The following ITK variants were observed in gnomAD, a reference collection of about 807,000 sequenced individuals.
The protein encoded by ITK is tyrosine-protein kinase ITK/TSK.
A neutral mutation model predicts 87.6 loss-of-function variants in ITK; 45 were observed. That is an observed-to-expected ratio of 0.51 (90% CI 0.40 to 0.66). ITK has a LOEUF of 0.66. ITK is among the 30% of genes least tolerant of loss of function. ITK has a pLI of 0.00. For synonymous variants in ITK, 303 were observed against 273.6 expected (o/e 1.11, Z -1.06); for missense variants, 605 against 766.3 (o/e 0.79, Z 2.48).
Position 157,222,850 on chromosome 5 carries a change from C to T in ITK, c.496-13C>T. ...TTATGTCTTTGCTTGGTTTTGTTGTCTCTCTTCCCCAGCGACCACTTTGGG... is the reference window on the plus strand; with the variant it reads ...TTATGTCTTTGCTTGGTTTTGTTGTTTCTCTTCCCCAGCGACCACTTTGGG... On this transcript the variant is annotated splice_polypyrimidine_tract_variant and intron_variant, in intron 5 of 16. Transcript: ENST00000422843. 1 of 1,613,922 alleles carries T rather than the reference C, an allele frequency of 6.2e-7. No individual in the cohort carries two copies. The highest frequency in any genetic ancestry group is 2.2e-5 in the East Asian group (1 of 44,854).
chr5:157,201,299 A>ATTT (rs1753968026), intron 1 of ITK, among the ~76,000 whole-genome samples: 1 of 67,184 alleles, frequency 1.5e-5, no homozygotes. Flanking sequence ...ATAAATTTCC[A>ATTT]CTTTTTTTTT....
In ITK at chr5:157,210,721, A is replaced by C. The variant is rs545213391; in HGVS notation, c.244-566A>C. ...CCCCCCACCCCACCACAGTCCCCAGAGTGTGATATTCCCCTTCCTGTGTCC... is the reference window on the plus strand; with the variant it reads ...CCCCCCACCCCACCACAGTCCCCAGCGTGTGATATTCCCCTTCCTGTGTCC... On this transcript the variant is annotated intron_variant, in intron 2 of 16. Transcript: ENST00000422843. Among the ~76,000 whole-genome samples the C allele has an allele frequency of 2.2e-4, 24 of 108,128 alleles. 1 individual carries two copies. Among genetic ancestry groups the C allele is most frequent in the Non-Finnish European group, 3.9e-4 (22 of 56,966 alleles). The allele number at this position is 108,128 out of a possible 152,430, so 70.9% of individuals were successfully genotyped here. A position where few individuals can be genotyped will look rare whatever the true frequency, so the allele number is the denominator to read the frequency against.
chr5:157,196,405 T>G (rs1279138010), intron 1 of ITK, among the ~76,000 whole-genome samples: 1 of 152,184 alleles, frequency 6.6e-6, no homozygotes, highest in African/African-American at 2.4e-5. Flanking sequence ...TTTATTTGCA[T>G]TTCTGTTGTT....
At chr5:157,223,200 G>A (rs1045839588) in intron 6 of ITK, among the ~76,000 whole-genome samples, 186 bp downstream of exon 6, 2 of 152,094 alleles carry the variant, frequency 1.3e-5, no homozygotes, top group Admixed American at 6.6e-5. Context: ...TCTCAGAAGT[G>A]GCTCTGAGGC....
chr5:157,196,726 G>A (rs558290278), intron 1 of ITK, among the ~76,000 whole-genome samples: 5 of 152,060 alleles, frequency 3.3e-5, no homozygotes, highest in South Asian at 4.1e-4. Context: ...ATTGAACATC[G>A]CCTCAGTGCA....
rs78968677 is a variant in ITK, at chr5:157,214,156, G to A, written c.326-35G>A. ...TGGTAGCCCTTGATAGACTGACCTGGAAATAACTCTTCTGTTGGTGCCAAC... is the reference window on the plus strand; with the variant it reads ...TGGTAGCCCTTGATAGACTGACCTGAAAATAACTCTTCTGTTGGTGCCAAC... On this transcript the variant is annotated intron_variant, in intron 3 of 16. Transcript: ENST00000422843. 3,125 of 1,598,880 alleles carry A rather than the reference G, an allele frequency of 2.0e-3. 39 individuals are homozygous for A. The African/African-American group carries it at 0.032, about 17-fold the overall frequency.
intron 1 of ITK, among the ~76,000 whole-genome samples, chr5:157,190,953 G>A (rs778646114): frequency 7.2e-5 from 11 of 152,072 alleles, no homozygotes; most frequent in Non-Finnish European, 1.2e-4. Flanking sequence ...TGAAGCAGTG[G>A]GTGTGAGTCC....
chr5:157,241,557 G>C, intron 10 of ITK, 89 bp from the exon 11 acceptor site: 1 of 908,494 alleles, frequency 1.1e-6, no homozygotes, highest in Non-Finnish European at 1.8e-6. Flanking sequence ...TGCGTCTGAT[G>C]ATGATTATTA....
chr5:157,218,285 G>A (rs775726638), intron 5 of ITK, among the ~76,000 whole-genome samples: 5 of 151,940 alleles, frequency 3.3e-5, no homozygotes, highest in African/African-American at 7.3e-5. Flanking sequence ...TGGGAGGATC[G>A]CTTGAGCCCA....
intron 1 of ITK, among the ~76,000 whole-genome samples, chr5:157,189,321 GC>G (rs1246313565): frequency 6.6e-6 from 1 of 152,140 alleles, no homozygotes; most frequent in East Asian, 1.9e-4. Flanking sequence ...AGTAGAAATA[GC>G]CCACAGAGAA....
At chr5:157,191,744 T>C (rs1312536161) in intron 1 of ITK, among the ~76,000 whole-genome samples, 1 of 152,232 alleles carries the variant, frequency 6.6e-6, no homozygotes, top group African/African-American at 2.4e-5. Flanking sequence ...TTATCTATTT[T>C]ATATACGTGG....
At chr5:157,185,116 A>G (rs981087452) in intron 1 of ITK, among the ~76,000 whole-genome samples, 1 of 152,200 alleles carries the variant, frequency 6.6e-6, no homozygotes, top group Non-Finnish European at 1.5e-5. Context: ...TTTTGAAAGC[A>G]TTACTGCTAG....
intron 2 of ITK, 75 bp from the exon 3 acceptor site, chr5:157,211,212 G>A (rs908394848): frequency 6.4e-6 from 8 of 1,244,836 alleles, no homozygotes; most frequent in Admixed American, 1.7e-5. Context: ...CCCCACTCTC[G>A]GCTCAGTAGG....
chr5:157,249,083 C>T, intron 16 of ITK, 76 bp downstream of exon 16: 1 of 1,299,692 alleles, frequency 7.7e-7, no homozygotes, highest in Non-Finnish European at 1.1e-6. Context: ...GAGAAAGGAA[C>T]CCTCTCAGAA....
At chr5:157,217,278 G>A (rs1399423267) in intron 4 of ITK, among the ~76,000 whole-genome samples, 2 of 152,220 alleles carry the variant, frequency 1.3e-5, no homozygotes, top group African/African-American at 4.8e-5. Context: ...CATGGAAACA[G>A]AGATAAGCAG....
intron 16 of ITK, among the ~76,000 whole-genome samples, chr5:157,251,931 C>T (rs1470332770): frequency 1.3e-5 from 2 of 152,144 alleles, no homozygotes; most frequent in Non-Finnish European, 2.9e-5. Flanking sequence ...AGTCTTCTAG[C>T]TTTGTTGTTC....
chr5:157,246,917 T>C (rs1480992655), intron 15 of ITK, among the ~76,000 whole-genome samples: 1 of 152,236 alleles, frequency 6.6e-6, no homozygotes, highest in East Asian at 1.9e-4. Flanking sequence ...GGATGAATGA[T>C]GTTGGTATTG....
At chr5:157,232,492 G>T in intron 8 of ITK, 98 bp downstream of exon 8, 1 of 785,776 alleles carries the variant, frequency 1.3e-6, no homozygotes, top group Non-Finnish European at 2.2e-6. Flanking sequence ...CAAGGTGGGA[G>T]GATCACTTGA....
At chr5:157,235,133 G>A (rs902856424) in intron 8 of ITK, among the ~76,000 whole-genome samples, 1 of 152,128 alleles carries the variant, frequency 6.6e-6, no homozygotes, top group Non-Finnish European at 1.5e-5. Context: ...ATACACTGAA[G>A]GCTTAATAAA....
Sources: gnomAD v4.1 joint callset for allele counts (sites outside exome capture counted in the v4.1 genomes callset) on GRCh38, gnomAD v4.1.1 for gene constraint, MANE v1.5 for transcripts, NCBI Gene and HGNC (gene_info 2026-07-23, HGNC 2026-07-21) for gene names.